Variants in TMEM245 observed in about 807,000 individuals in gnomAD.
The protein encoded by TMEM245 is transmembrane protein 245.
In TMEM245, 69 loss-of-function variants were observed where a neutral mutation model predicts 101.2. That is an observed-to-expected ratio of 0.68 (90% CI 0.56 to 0.83). The LOEUF is 0.83. Ranked by LOEUF, TMEM245 falls within the 40% of genes least tolerant of loss-of-function variation. TMEM245 has a pLI of 0.00. For missense variants in TMEM245, 1,075 were observed against 1,092.8 expected (o/e 0.98, Z 0.23); for synonymous variants, 537 against 449.8 (o/e 1.19, Z -2.45).
rs7581 is a variant in TMEM245, at chr9:109,016,967, T to C, written c.*3493A>G. On this transcript the variant is annotated 3_prime_UTR_variant, in exon 18 of 18. Coordinates refer to ENST00000374586, the MANE Select transcript of TMEM245 (RefSeq NM_032012.4). ...TTTTTTTTCCTATAAACCCTGAGGTTGAAAGCTCTGGATAGCTCACCTAAA... is the reference window on the plus strand; with the variant it reads ...TTTTTTTTCCTATAAACCCTGAGGTCGAAAGCTCTGGATAGCTCACCTAAA... The C allele has an allele frequency of 0.069, 10,573 of 152,234 alleles. 438 individuals are homozygous for C. Among genetic ancestry groups the C allele is most frequent in the South Asian group, 0.15 (708 of 4,826 alleles). The allele number at this position is 152,234 out of a possible 1,614,324, so 9.4% of individuals were successfully genotyped here. A position where few individuals can be genotyped will look rare whatever the true frequency, so the allele number is the denominator to read the frequency against.
Position 109,050,343 on chromosome 9 carries a change from G to T in TMEM245, c.2063C>A (p.Pro688Gln). 1 of 1,614,074 alleles carries T rather than the reference G, an allele frequency of 6.2e-7. No homozygotes were observed. Among genetic ancestry groups the T allele is most frequent in the Non-Finnish European group, 8.5e-7 (1 of 1,180,010 alleles). ...KPVKWVISLT[P>Q]LSQPGPSSNI... Reference sequence around the variant, plus strand: ...AGAAGAAGGACCTGGCTGAGATAGTGGAGTCAGGCTTATCACCCACTTCAC... The same window carrying T: ...AGAAGAAGGACCTGGCTGAGATAGTTGAGTCAGGCTTATCACCCACTTCAC... Residue 688 changes from proline (P) to glutamine (Q), a missense_variant, in exon 14 of 18, where the codon CCA (proline) becomes CAA (glutamine). Around this residue, in one of 2 missense-constraint regions of TMEM245, gnomAD observed 267 missense variants for 351.3 expected, o/e 0.76. Coordinates refer to ENST00000374586, the MANE Select transcript of TMEM245 (RefSeq NM_032012.4).
intron 11 of TMEM245, among the ~76,000 whole-genome samples, 153 bp from the exon 12 acceptor site, chr9:109,057,475 G>A (rs906594465): frequency 4.6e-5 from 7 of 152,250 alleles, no homozygotes; most frequent in East Asian, 1.9e-4. Flanking sequence ...AGCTAAGGCC[G>A]GGTGCGGTGG....
At chr9:109,108,406 C>G in intron 2 of TMEM245, 47 bp downstream of exon 2, 1 of 1,142,266 alleles carries the variant, frequency 8.8e-7, no homozygotes. Flanking sequence ...CCTCTGCTGA[C>G]CTTAGGCTAG....
intron 12 of TMEM245, among the ~76,000 whole-genome samples, chr9:109,053,763 C>T (rs1195641190): frequency 6.6e-6 from 1 of 152,118 alleles, no homozygotes; most frequent in East Asian, 1.9e-4. Context: ...TCTATGGAGC[C>T]GGTGAAGGAG....
In TMEM245 at chr9:109,023,502, A is replaced by G. The variant is rs149312998; in HGVS notation, c.2595-2997T>C. ...TCTTTCTCAAATTATAAGGATTATTATGCTGCAAGGAATCACAGTATAGAA... is the reference window on the plus strand; with the variant it reads ...TCTTTCTCAAATTATAAGGATTATTGTGCTGCAAGGAATCACAGTATAGAA... On this transcript the variant is annotated intron_variant, in intron 17 of 17. Transcript: ENST00000374586. 2.1e-3 allele frequency among the ~76,000 whole-genome samples: 326 copies of G among 152,356 alleles called. 3 individuals are homozygous for G. The highest frequency in any genetic ancestry group is 7.2e-3 in the African/African-American group (301 of 41,588).
chr9:109,096,947 A>C lies in TMEM245; in HGVS notation c.800-3356T>G, dbSNP rs537092551. ...AATGCCTACTAAGCATTCATTCACC[A>C]AATAGGCGACTAGGCTATATGCTGA... On this transcript the variant is annotated intron_variant, in intron 3 of 17. Coordinates refer to ENST00000374586, the MANE Select transcript of TMEM245 (RefSeq NM_032012.4). Among the ~76,000 whole-genome samples, 7 of 152,324 alleles carry C rather than the reference A, an allele frequency of 4.6e-5. No individual in the cohort carries two copies. In the East Asian group the frequency reaches 1.3e-3, roughly 29 times the overall value.
intron 3 of TMEM245, among the ~76,000 whole-genome samples, chr9:109,101,396 A>G (rs1830278688): frequency 1.3e-5 from 2 of 152,216 alleles, no homozygotes; most frequent in Admixed American, 1.3e-4. Context: ...ACCTACCTAT[A>G]TTACAGTGAC....
At chr9:109,054,472 T>C (rs1828776980) in intron 12 of TMEM245, among the ~76,000 whole-genome samples, 2 of 152,026 alleles carry the variant, frequency 1.3e-5, no homozygotes, top group South Asian at 4.1e-4. Context: ...AAAAAGAAGG[T>C]AAAATATGTT....
chr9:109,095,562 G>C (rs1830117694), intron 3 of TMEM245, among the ~76,000 whole-genome samples: 3 of 152,212 alleles, frequency 2.0e-5, no homozygotes, highest in African/African-American at 7.2e-5. Context: ...TAAGCCAGAT[G>C]ATGCAGATCA....
At chr9:109,105,580 T>C (rs1439478157) in intron 3 of TMEM245, among the ~76,000 whole-genome samples, 2 of 152,132 alleles carry the variant, frequency 1.3e-5, no homozygotes, top group African/African-American at 2.4e-5. Context: ...AATAGACAAA[T>C]GGTAGAAATA....
chr9:109,050,387 A>C lies in TMEM245; in HGVS notation c.2019T>G (p.Ser673Arg). 6.2e-7 allele frequency: 1 copy of C among 1,614,126 alleles called. No homozygotes were observed. The highest frequency in any genetic ancestry group is 1.1e-5 in the South Asian group (1 of 91,082). The change falls in exon 14 of 18, where the codon AGT becomes AGG. Residue 673 changes from serine to arginine, a missense_variant. Transcript: ENST00000374586. The stretch of plus-strand genomic sequence containing the variant: ...ACTTCACTGGCTTGTAGTACTCATC[A>C]CTGGAACTTAATAGATAAAATAGTG... ...LTTLFYLLSS[S>R]DEYYKPVKWV... is the part of the protein sequence containing the mutation.
intron 6 of TMEM245, 141 bp from the exon 7 acceptor site, chr9:109,086,161 C>A: frequency 1.3e-6 from 1 of 771,186 alleles, no homozygotes; most frequent in Non-Finnish European, 2.1e-6. Flanking sequence ...GACGGAAAAA[C>A]TGTAACACAT....
At chr9:109,072,770 C>A (rs1179941739) in intron 9 of TMEM245, among the ~76,000 whole-genome samples, 3 of 152,222 alleles carry the variant, frequency 2.0e-5, no homozygotes, top group African/African-American at 7.2e-5. Context: ...ACTCCAGAGG[C>A]TAAAGCAGGA....
intron 3 of TMEM245, among the ~76,000 whole-genome samples, chr9:109,094,569 T>TG (rs1403564172): frequency 6.6e-6 from 1 of 152,336 alleles, no homozygotes; most frequent in Admixed American, 6.5e-5. Context: ...GCAGCAGCCG[T>TG]GGCCCTCTGC....
chr9:109,072,748 G>A (rs1829373224), intron 9 of TMEM245, among the ~76,000 whole-genome samples: 1 of 152,238 alleles, frequency 6.6e-6, no homozygotes, highest in African/African-American at 2.4e-5. Context: ...GTGTACACCT[G>A]TAGTCTCAGC....
In TMEM245 at chr9:109,119,938, G is replaced by T; in HGVS notation, c.-25C>A. On this transcript the variant is annotated 5_prime_UTR_variant, in exon 1 of 18. Transcript: ENST00000374586. ...TCGTTCCTCCGCCACAGCCGCCCCC[G>T]AGGGGCGGTAATGGGAGTCGGGCTA... 1 of 1,292,604 alleles carries T rather than the reference G, an allele frequency of 7.7e-7. No homozygotes were observed. The highest frequency in any genetic ancestry group is 2.8e-4 in the Middle Eastern group (1 of 3,626). The allele number at this position is 1,292,604 out of a possible 1,614,324, so 80.1% of individuals were successfully genotyped here. A position where few individuals can be genotyped will look rare whatever the true frequency, so the allele number is the denominator to read the frequency against.
At chr9:109,093,410 A>T in intron 4 of TMEM245, 65 bp downstream of exon 4, 2 of 1,393,280 alleles carry the variant, frequency 1.4e-6, no homozygotes, top group East Asian at 2.3e-5. Context: ...GGTGTCCTGA[A>T]TTTTACTTTC....
At chr9:109,049,980 C>T (rs566274742) in intron 14 of TMEM245, among the ~76,000 whole-genome samples, 61 of 152,238 alleles carry the variant, frequency 4.0e-4, no homozygotes, top group African/African-American at 1.4e-3. Flanking sequence ...TTTATAGAGA[C>T]AGGGTCTCAC....
chr9:109,062,108 G>A (rs926320570), intron 10 of TMEM245, among the ~76,000 whole-genome samples: 15 of 152,082 alleles, frequency 9.9e-5, no homozygotes, highest in African/African-American at 3.1e-4. Context: ...AGACTCAAGC[G>A]ATCCTGCCAC....
Sources: allele counts gnomAD v4.1 joint callset (sites outside exome capture counted in the v4.1 genomes callset), GRCh38; gene constraint gnomAD v4.1.1; regional missense constraint gnomAD v4.1.1; transcripts MANE v1.5; gene names NCBI Gene and HGNC (gene_info 2026-07-23, HGNC 2026-07-21).